VCL: variants seen among roughly 807,000 people sequenced by gnomAD.
VCL encodes the protein epididymis luminal protein 114.
Under a neutral mutation model 125.7 loss-of-function variants are expected in VCL, and 47 were observed. The ratio of observed to expected loss-of-function variants is 0.37; its 90% CI spans 0.30 to 0.48. The LOEUF (loss-of-function observed/expected upper bound fraction) is 0.48. Among genes scored for constraint, VCL ranks in the 20% least tolerant of loss-of-function variants. The probability of loss-of-function intolerance (pLI) is 0.99; values close to 1 mark genes in which losing one functional copy is unlikely to be tolerated. For missense variants in VCL, 1,069 were observed against 1,455.5 expected (o/e 0.73, Z 4.32); for synonymous variants, 458 against 514.6 (o/e 0.89, Z 1.49).
intron 17 of VCL, among the ~76,000 whole-genome samples, chr10:74,107,832 T>C (rs987537332): frequency 1.3e-5 from 2 of 152,130 alleles, no homozygotes; most frequent in Non-Finnish European, 2.9e-5. Context: ...CTAACTATAA[T>C]TTAAGATCTT....
At chr10:74,032,255 A>G (rs182237817) in intron 1 of VCL, among the ~76,000 whole-genome samples, 6,506 of 150,252 alleles carry the variant, frequency 0.043, 470 homozygotes, top group African/African-American at 0.15. Context: ...AAAAAAAAAA[A>G]AAAAAGAAAA....
intron 1 of VCL, among the ~76,000 whole-genome samples, chr10:74,032,208 C>G (rs574954753): frequency 1.9e-4 from 26 of 135,244 alleles, no homozygotes; most frequent in Non-Finnish European, 2.9e-4. Flanking sequence ...CCACTGCACT[C>G]TAGTCTGGGC....
chr10:74,065,286 G>C (rs1841550801), intron 2 of VCL, among the ~76,000 whole-genome samples: 1 of 151,996 alleles, frequency 6.6e-6, no homozygotes, highest in Non-Finnish European at 1.5e-5. Context: ...ACAGGCGCTT[G>C]TCACCATGCC....
chr10:74,083,988 T>G (rs904596489), intron 8 of VCL, among the ~76,000 whole-genome samples: 1 of 152,190 alleles, frequency 6.6e-6, no homozygotes, highest in Non-Finnish European at 1.5e-5. Flanking sequence ...TGCCTCAACC[T>G]CCCGAGTAGC....
chr10:74,066,742 G>C (rs1417536088), intron 2 of VCL, among the ~76,000 whole-genome samples: 1 of 150,966 alleles, frequency 6.6e-6, no homozygotes, highest in Non-Finnish European at 1.5e-5. Context: ...CATGATCTTG[G>C]CTCACTGTAA....
intron 1 of VCL, among the ~76,000 whole-genome samples, chr10:74,040,231 C>T (rs1841067836): frequency 2.0e-5 from 3 of 152,232 alleles, no homozygotes; most frequent in Non-Finnish European, 4.4e-5. Flanking sequence ...TCTCTCCCTA[C>T]TAGACTGTAA....
chr10:74,000,790 T>A (rs1840212122), intron 1 of VCL, among the ~76,000 whole-genome samples: 2 of 152,164 alleles, frequency 1.3e-5, no homozygotes, highest in African/African-American at 4.8e-5. Flanking sequence ...TAATACACAC[T>A]GTGAGACAAA....
rs745343813 is a variant in VCL at position 74,094,429 on chromosome 10, T to C, written c.1511T>C (p.Ile504Thr). The C allele has an allele frequency of 1.7e-5, 27 of 1,613,910 alleles. No individual in the cohort carries two copies. The highest frequency in any genetic ancestry group is 4.5e-5 in the East Asian group (2 of 44,882). ...EGKIEQAQRW[I>T]DNPTVDDRGV... is the part of the protein sequence containing the mutation. ...AAGATTGAGCAAGCACAGCGGTGGA[T>C]TGATAATCCCACAGTGGATGACCGT... The change falls in exon 11 of 22, where the codon ATT becomes ACT. Residue 504 changes from isoleucine (I) to threonine (T), a missense_variant. Coordinates refer to ENST00000211998, the MANE Select transcript of VCL (RefSeq NM_014000.3).
Position 74,112,057 on chromosome 10 carries a change from C to T in VCL, c.2894C>T (p.Pro965Leu). 6.2e-7 allele frequency: 1 copy of T among 1,614,200 alleles called. No homozygotes were observed. Among genetic ancestry groups the T allele is most frequent in the East Asian group, 2.2e-5 (1 of 44,874 alleles). Residue 965 changes from proline to leucine, a missense_variant, in exon 19 of 22, where the codon CCC (proline) becomes CTC (leucine). Pro to Leu is a moderately conservative substitution (Grantham distance 98). Coordinates refer to ENST00000211998, the MANE Select transcript of VCL (RefSeq NM_014000.3). The stretch of plus-strand genomic sequence containing the variant: ...CCATCCAATCAGCCGGTCAACCAGC[C>T]CATTCTGGCCGCGGCTCAGTCCTTG... ...LMPSNQPVNQ[P>L]ILAAAQSLHR...
At chr10:74,095,897 C>T in intron 12 of VCL, 42 bp downstream of exon 12, 1 of 1,601,128 alleles carries the variant, frequency 6.2e-7, no homozygotes, top group South Asian at 1.1e-5. Flanking sequence ...TTTATGCTTC[C>T]TATTATTGAA....
intron 1 of VCL, among the ~76,000 whole-genome samples, chr10:74,036,612 C>T (rs988867141): frequency 1.3e-5 from 2 of 151,802 alleles, no homozygotes; most frequent in Admixed American, 6.6e-5. Flanking sequence ...GGCATGCACC[C>T]GTATTCCCAG....
chr10:74,106,941 C>G (rs1485032158), intron 16 of VCL, among the ~76,000 whole-genome samples: 1 of 152,174 alleles, frequency 6.6e-6, no homozygotes, highest in Non-Finnish European at 1.5e-5. Context: ...ATGGATGCCA[C>G]CTGAGCCCAA....
intron 6 of VCL, chr10:74,075,851 G>C (rs1259888087): frequency 6.6e-6 from 1 of 152,634 alleles, no homozygotes; most frequent in South Asian, 2.1e-4. Flanking sequence ...CTCTCTTGTT[G>C]CCCTGAAAGC....
intron 1 of VCL, chr10:74,027,637 C>A (rs1840798208): frequency 2.1e-5 from 2 of 94,264 alleles, no homozygotes; most frequent in Non-Finnish European, 3.8e-5. Flanking sequence ...CAGAGCGAGA[C>A]TGTCTCAAAA....
chr10:74,067,279 A>G (rs150123246), intron 2 of VCL, among the ~76,000 whole-genome samples: 2 of 152,306 alleles, frequency 1.3e-5, no homozygotes, highest in Non-Finnish European at 2.9e-5. Context: ...AATGGACAAC[A>G]AGCACATGAA....
chr10:74,088,679 G>A (rs1245118735), intron 8 of VCL, among the ~76,000 whole-genome samples: 2 of 152,054 alleles, frequency 1.3e-5, no homozygotes, highest in African/African-American at 4.8e-5. Flanking sequence ...TCATAAACAA[G>A]GTTCCACAGG....
rs1354464198 is a variant in VCL at position 74,107,381 on chromosome 10, T to C, written c.2559+27T>C. 1.9e-6 allele frequency: 3 copies of C among 1,614,040 alleles called. No individual in the cohort carries two copies. The African/African-American group carries it at 4.0e-5, about 22-fold the overall frequency. On this transcript the variant is annotated intron_variant, in intron 17 of 21. Coordinates refer to ENST00000211998, the MANE Select transcript of VCL (RefSeq NM_014000.3). ...TAAGTAAATTCAGATATGCAGAGAA[T>C]TGAGCAGGAAGGTGTTGAGACTTCA...
At chr10:74,039,783 A>G (rs1419025006) in intron 1 of VCL, among the ~76,000 whole-genome samples, 1 of 152,120 alleles carries the variant, frequency 6.6e-6, no homozygotes, top group Admixed American at 6.5e-5. Flanking sequence ...AAAGAAAAGA[A>G]AAGAAAAGAA....
At chr10:74,065,768 G>C (rs1427420449) in intron 2 of VCL, among the ~76,000 whole-genome samples, 1 of 151,678 alleles carries the variant, frequency 6.6e-6, no homozygotes, top group Non-Finnish European at 1.5e-5. Context: ...TAAAAGTTCA[G>C]ACGATGAGGA....
Sources: gnomAD v4.1 joint callset for allele counts (sites outside exome capture counted in the v4.1 genomes callset) on GRCh38, gnomAD v4.1.1 for gene constraint, MANE v1.5 for transcripts, NCBI Gene and HGNC (gene_info 2026-07-23, HGNC 2026-07-21) for gene names.